The following PLXDC1 variants were observed in gnomAD, a reference collection of about 807,000 sequenced individuals.
PLXDC1 encodes plexin domain-containing protein 1.
Under a neutral mutation model 61.3 loss-of-function variants are expected in PLXDC1, and 39 were observed. The ratio of observed to expected loss-of-function variants is 0.64; its 90% CI spans 0.49 to 0.83. PLXDC1 has a LOEUF of 0.83. PLXDC1 is among the 40% of genes least tolerant of loss of function. PLXDC1 has a pLI of 0.00. For missense variants in PLXDC1, 596 were observed against 666.5 expected (o/e 0.89, Z 1.17); for synonymous variants, 212 against 254.5 (o/e 0.83, Z 1.59).
chr17:39,105,809 A>G, intron 7 of PLXDC1, 45 bp downstream of exon 7: 1 of 1,250,136 alleles, frequency 8.0e-7, no homozygotes, highest in Non-Finnish European at 1.2e-6. Context: ...GTCTGAGCGG[A>G]GTCCTACCCC....
At chr17:39,116,376 A>C (rs1180999166) in intron 2 of PLXDC1, among the ~76,000 whole-genome samples, 1 of 152,172 alleles carries the variant, frequency 6.6e-6, no homozygotes, top group African/African-American at 2.4e-5. Context: ...GGCACCTGGC[A>C]TCTGGTGGGT....
chr17:39,140,236 C>T (rs1911891276), intron 1 of PLXDC1, among the ~76,000 whole-genome samples: 1 of 152,230 alleles, frequency 6.6e-6, no homozygotes, highest in Non-Finnish European at 1.5e-5. Flanking sequence ...TCAAAAGTTC[C>T]TGATGTCTGG....
At chr17:39,097,838 G>A (rs1438565585) in intron 7 of PLXDC1, among the ~76,000 whole-genome samples, 1 of 149,976 alleles carries the variant, frequency 6.7e-6, no homozygotes, top group Admixed American at 6.7e-5. Flanking sequence ...GAAAGTTGAG[G>A]TTGCAGTGAG....
chr17:39,134,115 G>A (rs144596572), intron 2 of PLXDC1, among the ~76,000 whole-genome samples: 67 of 152,004 alleles, frequency 4.4e-4, no homozygotes, highest in African/African-American at 1.5e-3. Context: ...ATAGCCGGGC[G>A]TGGTGGCAGG....
intron 2 of PLXDC1, 59 bp downstream of exon 2, chr17:39,139,595 G>T: frequency 6.8e-7 from 1 of 1,473,234 alleles, no homozygotes; most frequent in Non-Finnish European, 9.3e-7. Flanking sequence ...ACCTGGGGCA[G>T]CTGGTGAGAC....
intron 2 of PLXDC1, among the ~76,000 whole-genome samples, chr17:39,121,380 G>T (rs1013474193): frequency 1.3e-5 from 2 of 152,134 alleles, no homozygotes; most frequent in African/African-American, 4.8e-5. Flanking sequence ...AGGCTTCTTG[G>T]GTTTGTGTTT....
chr17:39,120,430 G>A (rs16968617), intron 2 of PLXDC1, among the ~76,000 whole-genome samples: 29,505 of 152,028 alleles, frequency 0.19, 2,961 homozygotes, highest in Middle Eastern at 0.32. Context: ...AGCATATTGA[G>A]TCTTGCTCTG....
intron 2 of PLXDC1, among the ~76,000 whole-genome samples, chr17:39,122,013 C>T (rs954775657): frequency 4.1e-5 from 6 of 147,626 alleles, no homozygotes; most frequent in Non-Finnish European, 7.4e-5. Flanking sequence ...AGGAGAATCA[C>T]TTGAACCCAG....
At chr17:39,127,887 G>T (rs1429323009) in intron 2 of PLXDC1, among the ~76,000 whole-genome samples, 1 of 145,222 alleles carries the variant, frequency 6.9e-6, no homozygotes, top group Non-Finnish European at 1.5e-5. Flanking sequence ...GAACCGAGGA[G>T]GTGGAGATCG....
At chr17:39,079,541 AAG>A (rs1279000577) in intron 9 of PLXDC1, 6 of 458,516 alleles carry the variant, frequency 1.3e-5, no homozygotes, top group South Asian at 9.3e-5. Context: ...AAACTTGGGA[AAG>A]AGAGTAGGGC....
At chr17:39,089,611 T>C (rs1195198481) in intron 7 of PLXDC1, among the ~76,000 whole-genome samples, 1 of 152,086 alleles carries the variant, frequency 6.6e-6, no homozygotes, top group African/African-American at 2.4e-5. Flanking sequence ...TAGAAGTAGG[T>C]GGGGACATAC....
intron 2 of PLXDC1, among the ~76,000 whole-genome samples, chr17:39,119,582 C>CA (rs1911093885): frequency 6.6e-6 from 1 of 151,946 alleles, no homozygotes; most frequent in Non-Finnish European, 1.5e-5. Context: ...ACCATCTCTA[C>CA]AAAAAATACC....
chr17:39,097,082 C>T lies in PLXDC1; in HGVS notation c.811+8772G>A, dbSNP rs1264933502. 8.9e-6 allele frequency: 4 copies of T among 447,448 alleles called. 1 individual carries two copies. Among genetic ancestry groups the T allele is most frequent in the East Asian group, 7.2e-5 (1 of 13,942 alleles). The allele number at this position is 447,448 out of a possible 1,614,324, so 27.7% of individuals were successfully genotyped here. On this transcript the variant is annotated intron_variant, in intron 7 of 13. Coordinates refer to ENST00000315392, the MANE Select transcript of PLXDC1 (RefSeq NM_020405.5). ...CTGTGAGGAGTCCTCCCCATTGCACCTCCCATCCCCTTGCCTAGCAGGGGT... is the reference window on the plus strand; with the variant it reads ...CTGTGAGGAGTCCTCCCCATTGCACTTCCCATCCCCTTGCCTAGCAGGGGT...
chr17:39,098,467 A>G (rs557272289), intron 7 of PLXDC1, among the ~76,000 whole-genome samples: 143 of 152,226 alleles, frequency 9.4e-4, no homozygotes, highest in Middle Eastern at 3.4e-3. Flanking sequence ...TCTTGTAGTT[A>G]CTCATTTTCT....
chr17:39,077,306 C>T (rs965842612), intron 11 of PLXDC1, among the ~76,000 whole-genome samples: 5 of 152,144 alleles, frequency 3.3e-5, no homozygotes, highest in Admixed American at 6.5e-5. Context: ...CCTGGGACAC[C>T]GCCTGGTGCA....
chr17:39,151,293 C>T lies in PLXDC1; in HGVS notation c.76+69G>A, dbSNP rs2045370823. On this transcript the variant is annotated intron_variant, in intron 1 of 13. Coordinates refer to ENST00000315392, the MANE Select transcript of PLXDC1 (RefSeq NM_020405.5). This position sits in a 1 kb window ranked among gnomAD's most constrained non-coding sequence, Gnocchi z 5.2. ...CATCGCCAGGCCGTCCACACCTGCC[C>T]ATGCCCACACCTGACTGCCCGTCCC... 8.7e-7 allele frequency: 1 copy of T among 1,154,628 alleles called. No homozygotes were observed. Among genetic ancestry groups the T allele is most frequent in the Non-Finnish European group, 1.1e-6 (1 of 910,066 alleles). The allele number at this position is 1,154,628 out of a possible 1,614,324, so 71.5% of individuals were successfully genotyped here.
upstream of PLXDC1, chr17:39,152,620 T>C: frequency 8.0e-7 from 1 of 1,249,424 alleles, no homozygotes. Context: ...TGGCTTCTAG[T>C]GGGCTGGGGC....
chr17:39,149,333 G>A (rs1247061208), intron 1 of PLXDC1, among the ~76,000 whole-genome samples: 4 of 151,950 alleles, frequency 2.6e-5, no homozygotes, highest in Admixed American at 2.0e-4. Context: ...CAACAACTCC[G>A]CCATCAATCA....
intron 7 of PLXDC1, among the ~76,000 whole-genome samples, chr17:39,090,848 G>A (rs575952219): frequency 5.9e-5 from 9 of 151,688 alleles, no homozygotes; most frequent in Admixed American, 5.9e-4. Context: ...GGCACGCATT[G>A]CTTTCTCTTT....
Sources: allele counts gnomAD v4.1 joint callset (sites outside exome capture counted in the v4.1 genomes callset), GRCh38; gene constraint gnomAD v4.1.1; non-coding constraint Gnocchi (gnomAD v3.1); transcripts MANE v1.5; gene names NCBI Gene and HGNC (gene_info 2026-07-23, HGNC 2026-07-21).